The following TBC1D22A variants were observed in gnomAD, a reference collection of about 807,000 sequenced individuals.
TBC1D22A encodes putative GTPase activator.
Under a neutral mutation model 60.2 loss-of-function variants are expected in TBC1D22A, and 38 were observed. The ratio of observed to expected loss-of-function variants is 0.63; its 90% CI spans 0.49 to 0.83. The LOEUF is 0.83. Ranked by LOEUF, TBC1D22A falls within the 40% of genes least tolerant of loss-of-function variation. The probability of loss-of-function intolerance (pLI) is 0.00; values close to 1 mark genes in which losing one functional copy is unlikely to be tolerated. For missense variants in TBC1D22A, 628 were observed against 701.0 expected (o/e 0.90, Z 1.18); for synonymous variants, 302 against 281.7 (o/e 1.07, Z -0.72).
chr22:47,035,957 C>G (rs2148393241), intron 10 of TBC1D22A, among the ~76,000 whole-genome samples: 1 of 152,292 alleles, frequency 6.6e-6, no homozygotes, highest in South Asian at 2.1e-4. Flanking sequence ...GTAAAACAAA[C>G]CAGTAAACAG....
At chr22:47,141,813 A>G (rs985251547) in intron 12 of TBC1D22A, among the ~76,000 whole-genome samples, 1 of 152,264 alleles carries the variant, frequency 6.6e-6, no homozygotes, top group Admixed American at 6.5e-5. Context: ...CGTGGATAAT[A>G]TCTTAAACAC....
intron 11 of TBC1D22A, among the ~76,000 whole-genome samples, chr22:47,050,820 G>T (rs1045521458): frequency 6.6e-6 from 1 of 152,222 alleles, no homozygotes; most frequent in Non-Finnish European, 1.5e-5. Context: ...GACAGCCTGG[G>T]AGGAGCCTGT....
intron 12 of TBC1D22A, among the ~76,000 whole-genome samples, chr22:47,117,615 G>C (rs1223731876): frequency 6.6e-6 from 1 of 152,126 alleles, no homozygotes; most frequent in Admixed American, 6.5e-5. Flanking sequence ...TCCCAACAAG[G>C]GTCTGGCAGC....
At chr22:46,935,447 C>CG (rs1569240033) in intron 8 of TBC1D22A, among the ~76,000 whole-genome samples, 1 of 152,124 alleles carries the variant, frequency 6.6e-6, no homozygotes, top group Non-Finnish European at 1.5e-5. Context: ...CCCACTCCCC[C>CG]GCAGCCCCTG....
chr22:47,060,869 G>A (rs1258965771), intron 11 of TBC1D22A, among the ~76,000 whole-genome samples: 4 of 152,180 alleles, frequency 2.6e-5, no homozygotes, highest in African/African-American at 9.7e-5. Context: ...GCGCCATGCC[G>A]CTCGACTCCC....
intron 9 of TBC1D22A, among the ~76,000 whole-genome samples, chr22:46,996,821 G>A (rs1299168102): frequency 6.6e-6 from 1 of 152,194 alleles, no homozygotes; most frequent in Non-Finnish European, 1.5e-5. Context: ...GGTGACAGCA[G>A]GAGTAATGGA....
In TBC1D22A at chr22:46,797,454, C is replaced by T. The variant is rs766520720; in HGVS notation, c.471C>T (p.Ser157=). 44 of 1,612,632 alleles carry T rather than the reference C, an allele frequency of 2.7e-5. No individual in the cohort carries two copies. The highest frequency in any genetic ancestry group is 3.1e-5 in the Non-Finnish European group (37 of 1,180,012). Residue 157 remains serine, a synonymous_variant, in exon 4 of 13, where the codon AGC becomes AGT. Coordinates refer to ENST00000337137, the MANE Select transcript of TBC1D22A (RefSeq NM_014346.5). ...CTCTCACCCCTGCAGAAAGTGCCAG[C>T]GATGCCGCCCCTCTGCAGAGGTCCC... The part of the protein sequence containing the change: ...SHTSCPAESA[S]DAAPLQRSQS...
At chr22:46,906,254 T>C (rs2069456858) in intron 7 of TBC1D22A, among the ~76,000 whole-genome samples, 1 of 152,128 alleles carries the variant, frequency 6.6e-6, no homozygotes, top group African/African-American at 2.4e-5. Context: ...ATAGCTATCG[T>C]TGGAGGGAGA....
rs548728667 is a variant in TBC1D22A at position 46,931,029 on chromosome 22, C to G, written c.1015+18841C>G. Among the ~76,000 whole-genome samples the G allele has an allele frequency of 1.4e-4, 21 of 152,324 alleles. No homozygotes were observed. The South Asian group carries it at 3.7e-3, about 27-fold the overall frequency. On this transcript the variant is annotated intron_variant, in intron 8 of 12. Transcript: ENST00000337137. ...AGGTTAAGTGGCTTGTAAGGCCCCA[C>G]CGTTTCAGTTCCAGAGTTCTAGTCC... is the stretch of plus-strand genomic sequence containing the variant.
chr22:46,933,692 TTC>T (rs985354434), intron 8 of TBC1D22A, among the ~76,000 whole-genome samples: 4 of 152,340 alleles, frequency 2.6e-5, no homozygotes, highest in Admixed American at 6.5e-5. Context: ...GATGCGTGTG[TTC>T]TCTCTCTGCA....
chr22:46,883,646 C>G (rs131878), intron 5 of TBC1D22A, among the ~76,000 whole-genome samples: 1 of 152,000 alleles, frequency 6.6e-6, no homozygotes, highest in South Asian at 2.1e-4. Context: ...TGCCACTGAA[C>G]GCAGTTGATG....
At chr22:47,047,446 G>A (rs373970747) in intron 11 of TBC1D22A, among the ~76,000 whole-genome samples, 5 of 152,362 alleles carry the variant, frequency 3.3e-5, no homozygotes, top group African/African-American at 1.2e-4. Flanking sequence ...GGGGCACAGA[G>A]GAGAAGTTCT....
At chr22:46,973,206 G>A (rs144437858) in intron 8 of TBC1D22A, among the ~76,000 whole-genome samples, 389 of 152,344 alleles carry the variant, frequency 2.6e-3, no homozygotes, top group Middle Eastern at 0.02. Flanking sequence ...TCCTCAGGGA[G>A]CACTTAGGGA....
intron 4 of TBC1D22A, among the ~76,000 whole-genome samples, chr22:46,815,774 A>C (rs184371061): frequency 1.2e-3 from 184 of 152,252 alleles, no homozygotes; most frequent in African/African-American, 4.2e-3. Flanking sequence ...TTCCAGCTTT[A>C]TGGCAAGGTG....
intron 1 of TBC1D22A, among the ~76,000 whole-genome samples, chr22:46,781,620 T>C (rs1222445164): frequency 2.0e-5 from 3 of 152,156 alleles, no homozygotes; most frequent in Non-Finnish European, 4.4e-5. Flanking sequence ...GAGGGCTGTT[T>C]TTGGGGAGGG....
intron 8 of TBC1D22A, among the ~76,000 whole-genome samples, chr22:46,947,338 C>A (rs564296015): frequency 1.3e-5 from 2 of 152,144 alleles, no homozygotes; most frequent in South Asian, 4.2e-4. Context: ...TCAGGGTCAT[C>A]CGAGTAGAGC....
intron 8 of TBC1D22A, among the ~76,000 whole-genome samples, chr22:46,913,127 CTT>C (rs2070076713): frequency 6.6e-6 from 1 of 152,168 alleles, no homozygotes; most frequent in Non-Finnish European, 1.5e-5. Flanking sequence ...TGTAATGTAA[CTT>C]AATCTGTTTT....
chr22:47,059,024 C>T lies in TBC1D22A; in HGVS notation c.1329+21826C>T, dbSNP rs560077463. Among the ~76,000 whole-genome samples, 3 of 152,256 alleles carry T rather than the reference C, an allele frequency of 2.0e-5. No homozygotes were observed. The South Asian group carries it at 6.2e-4, about 32-fold the overall frequency. Reference sequence around the variant, plus strand: ...TCCTGCGCTGGACACTCTACACGTCCCCTGTCATCCTGGGCACTCCACACA... The same window carrying T: ...TCCTGCGCTGGACACTCTACACGTCTCCTGTCATCCTGGGCACTCCACACA... On this transcript the variant is annotated intron_variant, in intron 11 of 12. Transcript: ENST00000337137.
chr22:46,937,147 A>T (rs557389736), intron 8 of TBC1D22A, among the ~76,000 whole-genome samples: 1 of 152,286 alleles, frequency 6.6e-6, no homozygotes, highest in Non-Finnish European at 1.5e-5. Context: ...AACATTTCAA[A>T]CTATTTTATA....
Sources: allele counts gnomAD v4.1 joint callset (sites outside exome capture counted in the v4.1 genomes callset), GRCh38; gene constraint gnomAD v4.1.1; transcripts MANE v1.5; gene names NCBI Gene and HGNC (gene_info 2026-07-23, HGNC 2026-07-21).